The following RIF1 variants were observed in gnomAD, a reference collection of about 807,000 sequenced individuals.
The protein encoded by RIF1 is telomere-associated protein RIF1.
RIF1 carries 45 observed loss-of-function variants against 247.1 expected under a neutral mutation model. That is an observed-to-expected ratio of 0.18 (90% confidence interval 0.14 to 0.23). RIF1 has a LOEUF of 0.23. Ranked by LOEUF, RIF1 falls within the 10% of genes least tolerant of loss-of-function variation. The pLI is 1.00. For missense variants in RIF1, 2,967 were observed against 2,862.5 expected, an observed-to-expected ratio of 1.04 and a Z score of -0.83; for synonymous variants, 1,087 against 978.8, an observed-to-expected ratio of 1.11 and a Z score of -2.06.
At chr2:151,431,210 T>C (rs955239073) in intron 9 of RIF1, among the ~76,000 whole-genome samples, 1 of 152,156 alleles carries the variant, frequency 6.6e-6, no homozygotes, top group African/African-American at 2.4e-5. Flanking sequence ...TCTGCCATCT[T>C]TGATTTGTCT....
chr2:151,485,943 G>C (rs752707527), downstream of RIF1: 2 of 1,612,852 alleles, frequency 1.2e-6, no homozygotes, highest in Admixed American at 3.3e-5. Context: ...TCTATTCGTG[G>C]GGATGGAAAA....
At position 151,461,814 on chromosome 2, in the gene RIF1, C is replaced by T. The variant is rs146770634; in HGVS notation, c.3228-428C>T. ...AATTTCTTCTCTGAGGTGGGAAATA[C>T]GCATTTAGGTCATGATTTTATAACA... On this transcript the variant is annotated intron_variant, in intron 27 of 35. Coordinates refer to ENST00000444746, the MANE Select transcript of RIF1 (RefSeq NM_018151.5). Among the ~76,000 whole-genome samples the T allele has an allele frequency of 3.4e-4, 51 of 152,194 alleles. No homozygotes were observed. The South Asian group carries it at 1.0e-2, about 30-fold the overall frequency.
chr2:151,421,387 T>C (rs1208394328), intron 7 of RIF1, among the ~76,000 whole-genome samples: 1 of 152,212 alleles, frequency 6.6e-6, no homozygotes, highest in African/African-American at 2.4e-5. Flanking sequence ...AAGAGAACTA[T>C]GAGGGCAAAA....
chr2:151,433,038 T>C, intron 9 of RIF1, 39 bp from the exon 10 acceptor site: 1 of 1,534,206 alleles, frequency 6.5e-7, no homozygotes. Flanking sequence ...AATCTTTAGC[T>C]TGGACGTCTC....
At position 151,506,951 on chromosome 2, in the gene RIF1, T is replaced by C. The variant is rs1575473569; in HGVS notation, c.*1027+576T>C. The C allele has an allele frequency of 2.5e-6, 4 of 1,611,670 alleles. No homozygotes were observed. The highest frequency in any genetic ancestry group is 1.7e-4 in the Middle Eastern group (1 of 5,858). The stretch of plus-strand genomic sequence containing the variant: ...GATTTTCTTTTACACGCAGTATTTC[T>C]GGCGTGTCTTGAACAACTGTAATTT... On this transcript the variant is annotated intron_variant and NMD_transcript_variant, in intron 13 of 13. Coordinates refer to the RIF1 transcript ENST00000454583.
the RIF1 span, among the ~76,000 whole-genome samples, chr2:151,520,443 G>A: frequency 0.015 from 2,259 of 150,494 alleles, 79 homozygotes; most frequent in East Asian, 0.14. Context: ...AATAAGTTTA[G>A]GTAGGCAGAG....
In RIF1 at chr2:151,420,173, T is replaced by G. The variant is rs200723648; in HGVS notation, c.504-17T>G. 261 of 1,597,304 alleles carry G rather than the reference T, an allele frequency of 1.6e-4. No individual in the cohort carries two copies. Among genetic ancestry groups the G allele is most frequent in the Non-Finnish European group, 2.0e-4 (239 of 1,168,008 alleles). ...ACATGAGGTCACGCTAATTATTCATTGATTTCTCTATTATAGGCTAATTGA... is the reference window on the plus strand; with the variant it reads ...ACATGAGGTCACGCTAATTATTCATGGATTTCTCTATTATAGGCTAATTGA... On this transcript the variant is annotated splice_polypyrimidine_tract_variant and intron_variant, in intron 6 of 35. Coordinates refer to ENST00000444746, the MANE Select transcript of RIF1 (RefSeq NM_018151.5).
intron 27 of RIF1, 27 bp downstream of exon 27, chr2:151,461,316 G>T: frequency 1.2e-6 from 2 of 1,602,220 alleles, no homozygotes; most frequent in Non-Finnish European, 1.7e-6. Flanking sequence ...TCTTGAGTTG[G>T]GTATTTGGTA....
the RIF1 span, chr2:151,532,004 C>T: frequency 3.1e-6 from 2 of 655,024 alleles, no homozygotes; most frequent in East Asian, 2.8e-5. Flanking sequence ...CTAGCTTTCT[C>T]TTTAATTCCT....
At chr2:151,513,573 C>T in the RIF1 span, 18 of 1,587,168 alleles carry the variant, frequency 1.1e-5, 1 homozygote, top group Non-Finnish European at 1.5e-5. Flanking sequence ...CGAATAGTAG[C>T]ACTGACCTGA....
chr2:151,445,322 A>G lies in RIF1; in HGVS notation c.1987-16A>G. ...AGATGGTAATTTGTCTAACTTCATT[A>G]TTTTTCTTGTTTTAGACCAATGAAG... On this transcript the variant is annotated splice_polypyrimidine_tract_variant and intron_variant, in intron 18 of 35. Transcript: ENST00000444746. The G allele has an allele frequency of 7.2e-7, 1 of 1,381,866 alleles. No homozygotes were observed. Among genetic ancestry groups the G allele is most frequent in the Non-Finnish European group, 1.0e-6 (1 of 968,592 alleles). 85.6% of individuals were successfully genotyped at this position (1,381,866 alleles called of 1,614,324 possible).
At chr2:151,445,577 C>T (rs1693118195) in intron 19 of RIF1, 132 bp downstream of exon 19, 1 of 639,934 alleles carries the variant, frequency 1.6e-6, no homozygotes, top group Admixed American at 2.6e-5. Context: ...GAGACAGTCT[C>T]ACATTGTCGT....
chr2:151,422,756 AT>A (rs1382965235), intron 7 of RIF1, among the ~76,000 whole-genome samples, 193 bp from the exon 8 acceptor site: 2 of 151,698 alleles, frequency 1.3e-5, no homozygotes, highest in Admixed American at 6.6e-5. Flanking sequence ...GAGGCAGGTG[AT>A]TCTCCTGCCT....
At chr2:151,457,700 C>A in intron 23 of RIF1, 61 bp from the exon 24 acceptor site, 1 of 1,258,910 alleles carries the variant, frequency 7.9e-7, no homozygotes, top group Non-Finnish European at 1.1e-6. Context: ...GAAATAGCAA[C>A]ATATATTCTG....
At chr2:151,494,665 A>G (rs1340925558) in intron 9 of RIF1, among the ~76,000 whole-genome samples, 1 of 151,804 alleles carries the variant, frequency 6.6e-6, no homozygotes, top group Non-Finnish European at 1.5e-5. Context: ...TTTGTTTTTG[A>G]GACAGAGGAG....
chr2:151,515,300 A>G, the RIF1 span, among the ~76,000 whole-genome samples: 4 of 152,242 alleles, frequency 2.6e-5, no homozygotes, highest in Non-Finnish European at 5.9e-5. Context: ...CAGAATTACA[A>G]GTCAGTGAGG....
At chr2:151,468,779 T>C in intron 33 of RIF1, 23 bp downstream of exon 33, 3 of 1,510,218 alleles carry the variant, frequency 2.0e-6, no homozygotes, top group Non-Finnish European at 2.8e-6. Context: ...TTAGGCTTCT[T>C]GCTTATATTC....
intron 30 of RIF1, 42 bp downstream of exon 30, chr2:151,466,162 G>A (rs1487737309): frequency 1.5e-6 from 2 of 1,311,228 alleles, no homozygotes; most frequent in East Asian, 2.3e-5. Flanking sequence ...CCAGTATTTG[G>A]TTGGGATATT....
chr2:151,525,094 A>C, the RIF1 span: 1 of 1,089,420 alleles, frequency 9.2e-7, no homozygotes, highest in Non-Finnish European at 1.4e-6. Context: ...CACTGGAACA[A>C]GAGAATGCAC....
Sources: allele counts gnomAD v4.1 joint callset (sites outside exome capture counted in the v4.1 genomes callset), GRCh38; gene constraint gnomAD v4.1.1; transcripts MANE v1.5; gene names NCBI Gene and HGNC (gene_info 2026-07-23, HGNC 2026-07-21).